CD34: variants seen among roughly 807,000 people sequenced by gnomAD.
The protein encoded by CD34 is CD34 molecule.
Under a neutral mutation model 40.1 loss-of-function variants are expected in CD34, and 34 were observed. The observed-to-expected ratio is 0.85, with a 90% CI of 0.65 to 1.13. The LOEUF (loss-of-function observed/expected upper bound fraction) is 1.13, where lower values mean the gene tolerates loss of function less well. CD34 is among the 50% of genes most tolerant of loss of function. The pLI is 0.00. For missense variants in CD34, 426 were observed against 466.9 expected, an observed-to-expected ratio of 0.91 and a Z score of 0.81; for synonymous variants, 209 against 190.0, an observed-to-expected ratio of 1.10 and a Z score of -0.82.
At position 207,899,217 on chromosome 1, in the gene CD34, A is replaced by G. The variant is rs556737151; in HGVS notation, c.272T>C (p.Val91Ala). ...TATCACAGAGGTAGATGTGAATTTG[A>G]CTGTCGTTTCTGGAAGAGACCAAAA... ...EATTNITETT[V>A]KFTSTSVITS... The change falls in exon 3 of 8, where the codon GTC becomes GCC. Residue 91 changes from valine to alanine, a missense_variant. Transcript: ENST00000310833. 1.9e-6 allele frequency: 3 copies of G among 1,614,004 alleles called. No individual in the cohort carries two copies. The African/African-American group carries it at 4.0e-5, about 22-fold the overall frequency.
In CD34 at chr1:207,897,001, C is replaced by T. The variant is rs563081125; in HGVS notation, c.597+492G>A. On this transcript the variant is annotated intron_variant, in intron 4 of 7. Transcript: ENST00000310833. The stretch of plus-strand genomic sequence containing the variant: ...ATTCAACAAATAATGTTAGGAAAAA[C>T]GGTTACATGGAAAATATAACATTAC... 2.9e-4 allele frequency among the ~76,000 whole-genome samples: 44 copies of T among 151,948 alleles called. 1 individual carries two copies. The Middle Eastern group carries it at 0.01, about 35-fold the overall frequency.
In CD34 at chr1:207,888,313, A is replaced by ATACCTCC. The variant is rs1661952956; in HGVS notation, c.972+362_972+368dup. 2.0e-5 allele frequency among the ~76,000 whole-genome samples: 3 copies of ATACCTCC among 152,348 alleles called. No individual in the cohort carries two copies. In the South Asian group the frequency reaches 6.2e-4, roughly 32 times the overall value. ...TGGCAAATGGGGATTCTCCTTCCGT[A>ATACCTCC]TACCTCCTTTTGAGCAAGGGGGCAC... On this transcript the variant is annotated intron_variant, in intron 7 of 7. Transcript: ENST00000310833.
At chr1:207,910,086 C>T (rs1662473853) in intron 1 of CD34, among the ~76,000 whole-genome samples, 1 of 152,066 alleles carries the variant, frequency 6.6e-6, no homozygotes, top group Non-Finnish European at 1.5e-5. Context: ...TGTCATTCCC[C>T]AAGGAAAGTA....
rs1187764381 is a variant in CD34, at chr1:207,910,988, C to G, written c.79+14G>C. 1.9e-6 allele frequency: 3 copies of G among 1,570,358 alleles called. No individual in the cohort carries two copies. The highest frequency in any genetic ancestry group is 1.7e-6 in the Non-Finnish European group (2 of 1,160,764). On this transcript the variant is annotated intron_variant, in intron 1 of 7. Coordinates refer to ENST00000310833, the MANE Select transcript of CD34 (RefSeq NM_001025109.2). The stretch of plus-strand genomic sequence containing the variant: ...GGCGAAGCCAAGCGGCCGCGGCGCG[C>G]GGGCGGTACTCACGCAGCAAACTCA...
At chr1:207,889,298 C>A (rs1661979029) in intron 5 of CD34, 85 bp from the exon 6 acceptor site, 1 of 1,605,856 alleles carries the variant, frequency 6.2e-7, no homozygotes, top group South Asian at 1.1e-5. Context: ...AGAAGATGCT[C>A]TGATGGCCAG....
intron 3 of CD34, 25 bp from the exon 4 acceptor site, chr1:207,897,598 A>G: frequency 6.6e-7 from 1 of 1,521,152 alleles, no homozygotes; most frequent in Non-Finnish European, 8.9e-7. Context: ...AAACAATAAC[A>G]AAAACAAAGT....
intron 2 of CD34, among the ~76,000 whole-genome samples, chr1:207,899,522 C>T (rs1662226318): frequency 6.6e-6 from 1 of 152,154 alleles, no homozygotes; most frequent in Non-Finnish European, 1.5e-5. Flanking sequence ...GATCGGAGAT[C>T]TCTATTGAGT....
At position 207,889,159 on chromosome 1, in the gene CD34, AC is replaced by A. The variant is rs1346061931; in HGVS notation, c.807+1del. The A allele has an allele frequency of 3.2e-6, 5 of 1,553,264 alleles. No individual in the cohort carries two copies. The highest frequency in any genetic ancestry group is 4.4e-6 in the Non-Finnish European group (5 of 1,124,418). Reference sequence around the variant, plus strand: ...TCAGGCCCATCATCTCAGAGGACTTACCTTTTTCAGGTCAGATTGGTGCTTT... The same window carrying A: ...TCAGGCCCATCATCTCAGAGGACTTACTTTTTCAGGTCAGATTGGTGCTTT... On this transcript the variant is annotated splice_donor_variant, in intron 6 of 7. Coordinates refer to ENST00000310833, the MANE Select transcript of CD34 (RefSeq NM_001025109.2). LOFTEE classifies it high-confidence loss of function.
intron 1 of CD34, among the ~76,000 whole-genome samples, chr1:207,901,484 G>T (rs1404393196): frequency 6.6e-6 from 1 of 152,242 alleles, no homozygotes. Context: ...AAGCCTGTGG[G>T]TGGGGTGTCC....
intron 1 of CD34, among the ~76,000 whole-genome samples, chr1:207,910,307 G>A (rs147484582): frequency 1.4e-3 from 213 of 152,284 alleles, no homozygotes; most frequent in African/African-American, 4.9e-3. Flanking sequence ...TAAGGCGAGC[G>A]AGGCTGGGCG....
At position 207,900,020 on chromosome 1, in the gene CD34, A is replaced by T; in HGVS notation, c.80-17T>A. ...ACCCAGAAGCTATAGGGAAACGAGGAGGAAGAATCAGAACCTAAAGATATC... is the reference window on the plus strand; with the variant it reads ...ACCCAGAAGCTATAGGGAAACGAGGTGGAAGAATCAGAACCTAAAGATATC... On this transcript the variant is annotated splice_polypyrimidine_tract_variant and intron_variant, in intron 1 of 7. Transcript: ENST00000310833. 6.3e-7 allele frequency: 1 copy of T among 1,584,860 alleles called. No homozygotes were observed. The highest frequency in any genetic ancestry group is 8.6e-7 in the Non-Finnish European group (1 of 1,165,070).
At position 207,902,934 on chromosome 1, in the gene CD34, C is replaced by G. The variant is rs183482899; in HGVS notation, c.80-2931G>C. 2.0e-5 allele frequency among the ~76,000 whole-genome samples: 3 copies of G among 152,270 alleles called. No individual in the cohort carries two copies. In the East Asian group the frequency reaches 5.8e-4, roughly 29 times the overall value. On this transcript the variant is annotated intron_variant, in intron 1 of 7. Transcript: ENST00000310833. ...AGCGCTGTGGAATGAGTAGCAGGAT[C>G]CACCTGCAAATGAGAAAGGGACCCC...
Position 207,899,968 on chromosome 1 carries a change from C to T in CD34, c.115G>A (p.Ala39Thr). ...GFMSLDNNGTATPELPTQGTF... is the reference protein window; with the variant it reads ...GFMSLDNNGTTTPELPTQGTF... The stretch of plus-strand genomic sequence containing the variant: ...CCCTGGGTAGGTAACTCTGGGGTAG[C>T]AGTACCGTTGTTGTCAAGACTCATG... The change falls in exon 2 of 8, where the codon GCT becomes ACT. Residue 39 changes from alanine (A) to threonine (T), a missense_variant. Coordinates refer to ENST00000310833, the MANE Select transcript of CD34 (RefSeq NM_001025109.2). The T allele has an allele frequency of 6.2e-7, 1 of 1,613,008 alleles. No homozygotes were observed. Among genetic ancestry groups the T allele is most frequent in the South Asian group, 1.1e-5 (1 of 90,972 alleles).
intron 1 of CD34, among the ~76,000 whole-genome samples, chr1:207,908,954 A>ATT (rs1459520773): frequency 3.3e-5 from 5 of 152,244 alleles, no homozygotes; most frequent in Non-Finnish European, 7.3e-5. Flanking sequence ...GCATTTCTGC[A>ATT]ATGGCCCTAT....
At position 207,886,602 on chromosome 1, in the gene CD34, T is replaced by TG. The variant is rs1176012414; in HGVS notation, c.*1135_*1136insC. Reference sequence around the variant, plus strand: ...TCACTTTGTATTCAGAAAAAATATCTACCCAATACTCTCTTCTCTGGAAAT... The same window carrying TG: ...TCACTTTGTATTCAGAAAAAATATCTGACCCAATACTCTCTTCTCTGGAAAT... On this transcript the variant is annotated 3_prime_UTR_variant, in exon 8 of 8. Transcript: ENST00000310833. The TG allele has an allele frequency of 1.3e-5, 2 of 152,642 alleles. No homozygotes were observed. The highest frequency in any genetic ancestry group is 2.9e-5 in the Non-Finnish European group (2 of 68,036). 9.5% of individuals were successfully genotyped at this position (152,642 alleles called of 1,614,324 possible).
intron 4 of CD34, among the ~76,000 whole-genome samples, chr1:207,890,765 G>C (rs1012503687): frequency 2.0e-5 from 3 of 152,130 alleles, no homozygotes; most frequent in Admixed American, 6.5e-5. Context: ...GCCCAAACTG[G>C]AGCCTCAAAA....
Position 207,885,304 on chromosome 1 carries a change from T to C in CD34, c.*2434A>G, listed in dbSNP as rs1163963791. 6.6e-6 allele frequency: 1 copy of C among 152,188 alleles called. No homozygotes were observed. Among genetic ancestry groups the C allele is most frequent in the Non-Finnish European group, 1.5e-5 (1 of 68,116 alleles). 9.4% of individuals were successfully genotyped at this position (152,188 alleles called of 1,614,324 possible). A position where few individuals can be genotyped will look rare whatever the true frequency, so the allele number is the denominator to read the frequency against. On this transcript the variant is annotated 3_prime_UTR_variant, in exon 8 of 8. Transcript: ENST00000310833. ...GCCCACGGTGGGAAAGTTGGATTTTTCCAGAAAGCAGGCAAATTCTTCAGG... is the reference window on the plus strand; with the variant it reads ...GCCCACGGTGGGAAAGTTGGATTTTCCCAGAAAGCAGGCAAATTCTTCAGG...
At position 207,899,988 on chromosome 1, in the gene CD34, C is replaced by T. The variant is rs138486900; in HGVS notation, c.95G>A (p.Ser32Asn). The T allele has an allele frequency of 5.0e-6, 8 of 1,610,280 alleles. No individual in the cohort carries two copies. Among genetic ancestry groups the T allele is most frequent in the African/African-American group, 1.3e-5 (1 of 74,768 alleles). The change falls in exon 2 of 8, where the codon AGT becomes AAT. Residue 32 changes from serine (S) to asparagine (N), a missense_variant. By Grantham distance (46) the Ser-to-Asn change is conservative (BLOSUM62 1). Transcript: ENST00000310833. The part of the protein sequence containing the change: ...LLSLLPSGFM[S>N]LDNNGTATPE... Reference sequence around the variant, plus strand: ...GGTAGCAGTACCGTTGTTGTCAAGACTCATGAACCCAGAAGCTATAGGGAA... The same window carrying T: ...GGTAGCAGTACCGTTGTTGTCAAGATTCATGAACCCAGAAGCTATAGGGAA...
intron 2 of CD34, among the ~76,000 whole-genome samples, 200 bp from the exon 3 acceptor site, chr1:207,899,426 C>G (rs1662224236): frequency 6.6e-6 from 1 of 152,146 alleles, no homozygotes; most frequent in Non-Finnish European, 1.5e-5. Flanking sequence ...TAGAGGTGTC[C>G]TGAAACTGAA....
Sources: allele counts gnomAD v4.1 joint callset (sites outside exome capture counted in the v4.1 genomes callset), GRCh38; gene constraint gnomAD v4.1.1; transcripts MANE v1.5; gene names NCBI Gene and HGNC (gene_info 2026-07-23, HGNC 2026-07-21).